COPG2: variants seen among roughly 807,000 people sequenced by gnomAD.
COPG2 encodes the protein coat protein complex I subunit gamma 2, also known as coatomer subunit gamma-2.
COPG2 carries 37 observed loss-of-function variants against 46.3 expected under a neutral mutation model. The ratio of observed to expected loss-of-function variants is 0.80; its 90% confidence interval spans 0.61 to 1.05. The LOEUF (loss-of-function observed/expected upper bound fraction) is 1.05, where lower values mean the gene tolerates loss of function less well. Ranked by LOEUF, COPG2 falls within the 50% of genes least tolerant of loss-of-function variation. The probability of loss-of-function intolerance (pLI) is 0.00; values close to 1 mark genes in which losing one functional copy is unlikely to be tolerated. For synonymous variants in COPG2, 159 were observed against 129.7 expected, an observed-to-expected ratio of 1.23 and a Z score of -1.53; for missense variants, 427 against 387.8, an observed-to-expected ratio of 1.10 and a Z score of -0.85.
intron 5 of COPG2, among the ~76,000 whole-genome samples, chr7:130,640,882 T>C (rs886420563): frequency 1.3e-5 from 2 of 152,190 alleles, no homozygotes; most frequent in Non-Finnish European, 2.9e-5. Flanking sequence ...TTTTATTGCA[T>C]GTCTAATAAT....
intron 8 of COPG2, among the ~76,000 whole-genome samples, chr7:130,611,479 T>C (rs1185044904): frequency 6.6e-6 from 1 of 152,192 alleles, no homozygotes; most frequent in African/African-American, 2.4e-5. Context: ...ATCTTAGTAA[T>C]TAAAGGATTA....
intron 9 of COPG2, among the ~76,000 whole-genome samples, chr7:130,600,523 A>C (rs1554450226): frequency 6.6e-6 from 1 of 152,186 alleles, no homozygotes; most frequent in Non-Finnish European, 1.5e-5. Flanking sequence ...TTGGCCTCCC[A>C]AAGTGCTAGG....
intron 5 of COPG2, among the ~76,000 whole-genome samples, chr7:130,636,545 T>G (rs1428614959): frequency 6.7e-6 from 1 of 148,746 alleles, no homozygotes; most frequent in African/African-American, 2.5e-5. Context: ...CCGGTTTTTT[T>G]TTTTTTTTTT....
rs368799253 is a variant in COPG2 at position 130,509,424 on chromosome 7, G to C, written c.2150-765C>G. ...ATGAAGAAAAGGCATTTAGGATCTT[G>C]TCTATGGTCTGGAAAAAGCTTATAG... is the stretch of plus-strand genomic sequence containing the variant. On this transcript the variant is annotated intron_variant, in intron 20 of 23. Coordinates refer to ENST00000425248, the MANE Select transcript of COPG2 (RefSeq NM_012133.6). 2.0e-4 allele frequency: 81 copies of C among 404,170 alleles called. 1 individual carries two copies. The highest frequency in any genetic ancestry group is 9.2e-4 in the African/African-American group (44 of 47,952). The allele number at this position is 404,170 out of a possible 1,614,324, so 25.0% of individuals were successfully genotyped here. A position where few individuals can be genotyped will look rare whatever the true frequency, so the allele number is the denominator to read the frequency against.
chr7:130,625,008 G>GTA (rs1433927692), intron 5 of COPG2, among the ~76,000 whole-genome samples: 13 of 152,292 alleles, frequency 8.5e-5, no homozygotes, highest in African/African-American at 3.1e-4. Flanking sequence ...CATAGTGGTT[G>GTA]TACTAATTTA....
At chr7:130,584,890 C>T (rs1794232796) in intron 9 of COPG2, among the ~76,000 whole-genome samples, 1 of 151,840 alleles carries the variant, frequency 6.6e-6, no homozygotes, top group Non-Finnish European at 1.5e-5. Context: ...CTGCCAAAAG[C>T]AATCTACAAA....
intron 4 of COPG2, among the ~76,000 whole-genome samples, chr7:130,660,958 C>G (rs1795966073): frequency 6.6e-6 from 1 of 152,154 alleles, no homozygotes; most frequent in East Asian, 1.9e-4. Context: ...TTGCTTCTCC[C>G]TCTGTTCACT....
chr7:130,513,004 G>A (rs1045523399), intron 20 of COPG2, among the ~76,000 whole-genome samples: 1 of 151,668 alleles, frequency 6.6e-6, no homozygotes, highest in Non-Finnish European at 1.5e-5. Context: ...TGTGGGTAGG[G>A]GCTGGGCACG....
At chr7:130,663,863 C>T (rs1161755846) in intron 3 of COPG2, among the ~76,000 whole-genome samples, 2 of 150,160 alleles carry the variant, frequency 1.3e-5, no homozygotes, top group Admixed American at 6.7e-5. Flanking sequence ...CTCAGCCTCC[C>T]AAGTAGCTGT....
chr7:130,648,093 A>G (rs569946889), intron 5 of COPG2, among the ~76,000 whole-genome samples: 13 of 152,072 alleles, frequency 8.5e-5, no homozygotes, highest in Non-Finnish European at 1.5e-4. Context: ...CATTGTGCTT[A>G]TTGGCCATTT....
In COPG2 at chr7:130,607,061, C is replaced by T. The variant is rs559526282; in HGVS notation, c.737+3892G>A. Among the ~76,000 whole-genome samples the T allele has an allele frequency of 1.5e-4, 23 of 151,756 alleles. 1 individual carries two copies. Among genetic ancestry groups the T allele is most frequent in the Admixed American group, 7.9e-4 (12 of 15,232 alleles). On this transcript the variant is annotated intron_variant, in intron 9 of 23. Coordinates refer to ENST00000425248, the MANE Select transcript of COPG2 (RefSeq NM_012133.6). ...TTTGAGACCGGCCTGGGCAACACTG[C>T]GGAACCCCATCTCTACAAAAAGTAC...
At chr7:130,634,597 A>G (rs2116178822) in intron 5 of COPG2, among the ~76,000 whole-genome samples, 1 of 152,344 alleles carries the variant, frequency 6.6e-6, no homozygotes, top group East Asian at 1.9e-4. Context: ...GTTGCTTATC[A>G]GCTTAAGGAG....
chr7:130,541,712 A>G (rs1031166192), intron 20 of COPG2, among the ~76,000 whole-genome samples: 197 of 151,006 alleles, frequency 1.3e-3, no homozygotes, highest in Admixed American at 2.6e-3. Context: ...GAAAGGACTC[A>G]TAGCCTGGGC....
In COPG2 at chr7:130,547,381, A is replaced by G. The variant is rs1355986245; in HGVS notation, c.2149+293T>C. 5.2e-5 allele frequency: 15 copies of G among 290,430 alleles called. No homozygotes were observed. The East Asian group carries it at 7.2e-4, about 14-fold the overall frequency. The allele number at this position is 290,430 out of a possible 1,614,324, so 18.0% of individuals were successfully genotyped here. ...TCTCACAAGTGGTCACATTATTCCA[A>G]CAGAAAGCTTGAGTTCCTTTTTGTG... On this transcript the variant is annotated intron_variant, in intron 20 of 23. Transcript: ENST00000425248.
intron 7 of COPG2, among the ~76,000 whole-genome samples, chr7:130,613,019 A>G (rs1794881050): frequency 6.6e-6 from 1 of 152,122 alleles, no homozygotes; most frequent in Non-Finnish European, 1.5e-5. Context: ...TTTCAAACAT[A>G]CGAACATTTT....
Position 130,573,213 on chromosome 7 carries a change from C to CAA in COPG2, c.738-8822_738-8821dup, listed in dbSNP as rs374780719. ...GAGTTAGTTATTAAAAATCACACCT[C>CAA]AAAAAAAAAAAACCACAGATCCAGA... On this transcript the variant is annotated intron_variant, in intron 9 of 23. Transcript: ENST00000425248. Among the ~76,000 whole-genome samples, 381 of 145,386 alleles carry CAA rather than the reference C, an allele frequency of 2.6e-3. 2 individuals carry two copies. The highest frequency in any genetic ancestry group is 5.5e-3 in the East Asian group (28 of 5,100).
chr7:130,659,649 CAGGCCTATAATCCCAGTACTTTGGG>C (rs1204801493), intron 4 of COPG2, among the ~76,000 whole-genome samples: 46 of 152,084 alleles, frequency 3.0e-4, no homozygotes, highest in Non-Finnish European at 5.6e-4. Flanking sequence ...TGTGGTGGCT[CAGGCCTATAATCCCAGTACTTTGGG>C]AGGCCAAGGC....
At position 130,532,511 on chromosome 7, in the gene COPG2, C is replaced by T. The variant is rs1049549151; in HGVS notation, c.2149+15163G>A. Reference sequence around the variant, plus strand: ...CCCAGGTGGAGCGGAGGAGCCGGGTCTCAGGCAGGGCAGGAGAGTCAGGTT... The same window carrying T: ...CCCAGGTGGAGCGGAGGAGCCGGGTTTCAGGCAGGGCAGGAGAGTCAGGTT... On this transcript the variant is annotated intron_variant, in intron 20 of 23. Transcript: ENST00000425248. Among the ~76,000 whole-genome samples, 151 of 151,920 alleles carry T rather than the reference C, an allele frequency of 9.9e-4. 2 individuals carry two copies. The highest frequency in any genetic ancestry group is 1.3e-3 in the Non-Finnish European group (88 of 67,978).
At chr7:130,513,361 A>ATG (rs1213136936) in intron 20 of COPG2, among the ~76,000 whole-genome samples, 1 of 39,522 alleles carries the variant, frequency 2.5e-5, no homozygotes, top group Non-Finnish European at 7.1e-5. Context: ...GTGTGTGTGT[A>ATG]TATATATATA....
Sources: allele counts gnomAD v4.1 joint callset (sites outside exome capture counted in the v4.1 genomes callset), GRCh38; gene constraint gnomAD v4.1.1; transcripts MANE v1.5; gene names NCBI Gene and HGNC (gene_info 2026-07-23, HGNC 2026-07-21).